ME2: variants seen among roughly 807,000 people sequenced by gnomAD.
The protein encoded by ME2 is NAD-dependent malic enzyme, mitochondrial.
A neutral mutation model predicts 73.7 loss-of-function variants in ME2; 60 were observed. That is an observed-to-expected ratio of 0.81 (90% CI 0.66 to 1.01). ME2 has a LOEUF of 1.01. Among genes scored for constraint, ME2 ranks in the 50% least tolerant of loss-of-function variants. ME2 has a pLI of 0.00. For missense variants in ME2, 594 were observed against 705.5 expected, an observed-to-expected ratio of 0.84 and a Z score of 1.79; for synonymous variants, 199 against 236.9, an observed-to-expected ratio of 0.84 and a Z score of 1.47.
At chr18:50,940,082 A>G (rs972258723) in intron 14 of ME2, 14 of 540,048 alleles carry the variant, frequency 2.6e-5, no homozygotes, top group Non-Finnish European at 4.2e-5. Context: ...AAAGCAGAAT[A>G]TAATCAATAA....
chr18:50,927,516 T>A (rs1917581084), intron 12 of ME2, among the ~76,000 whole-genome samples: 1 of 151,496 alleles, frequency 6.6e-6, no homozygotes, highest in African/African-American at 2.4e-5. Context: ...CTGGCTAACA[T>A]AGTGAAACCC....
chr18:50,946,252 C>A (rs1421287323), intron 15 of ME2, among the ~76,000 whole-genome samples: 1 of 152,154 alleles, frequency 6.6e-6, no homozygotes, highest in Non-Finnish European at 1.5e-5. Flanking sequence ...TTATTCTCAC[C>A]ACCAATCATG....
At chr18:50,918,586 T>C (rs961736641) in intron 7 of ME2, among the ~76,000 whole-genome samples, 2 of 152,214 alleles carry the variant, frequency 1.3e-5, no homozygotes, top group Non-Finnish European at 1.5e-5. Context: ...GTCCTCCCAC[T>C]TCTCTACCTC....
intron 11 of ME2, among the ~76,000 whole-genome samples, chr18:50,924,883 T>C (rs1036055388): frequency 4.0e-5 from 6 of 151,844 alleles, no homozygotes; most frequent in African/African-American, 1.5e-4. Flanking sequence ...GGTTTCACCA[T>C]GTTGACCAGG....
chr18:50,933,693 A>T (rs1486524913), intron 13 of ME2: 1 of 152,006 alleles, frequency 6.6e-6, no homozygotes, highest in Non-Finnish European at 1.5e-5. Flanking sequence ...CCAGGGGTAC[A>T]TATGAAGGTT....
intron 3 of ME2, among the ~76,000 whole-genome samples, chr18:50,909,917 A>T (rs976936655): frequency 6.6e-6 from 1 of 152,212 alleles, no homozygotes; most frequent in Admixed American, 6.5e-5. Flanking sequence ...AACAAAGAAC[A>T]GCTCATTCTC....
Position 50,952,392 on chromosome 18 carries a change from A to G in ME2, c.*5208A>G, listed in dbSNP as rs553362727. ...TTAGATAGATTAGTGATTAGATTTT[A>G]AAAACATTATTTTCCTTTCTTGAAT... On this transcript the variant is annotated 3_prime_UTR_variant, in exon 16 of 16. Transcript: ENST00000321341. The G allele has an allele frequency of 6.6e-6, 1 of 152,354 alleles. No homozygotes were observed. Among genetic ancestry groups the G allele is most frequent in the South Asian group, 2.1e-4 (1 of 4,832 alleles). The allele number at this position is 152,354 out of a possible 1,614,324, so 9.4% of individuals were successfully genotyped here. A position where few individuals can be genotyped will look rare whatever the true frequency, so the allele number is the denominator to read the frequency against.
At chr18:50,909,320 A>G (rs184969914) in intron 3 of ME2, among the ~76,000 whole-genome samples, 1 of 152,318 alleles carries the variant, frequency 6.6e-6, no homozygotes, top group East Asian at 1.9e-4. Context: ...TCTAAAAGTC[A>G]TCAACAGACA....
At chr18:50,912,765 G>C in intron 3 of ME2, 36 bp from the exon 4 acceptor site, 1 of 1,443,718 alleles carries the variant, frequency 6.9e-7, no homozygotes, top group African/African-American at 1.4e-5. Flanking sequence ...TGTAATGCAG[G>C]CTGACTTAGA....
rs899121925 is a variant in ME2, at chr18:50,951,575, T to G, written c.*4391T>G. On this transcript the variant is annotated 3_prime_UTR_variant, in exon 16 of 16. Transcript: ENST00000321341. Reference sequence around the variant, plus strand: ...TTTTTTTTTTTTTTTAACTTCTTCATACTCTTAAAAAGCTCCAGAATGGCC... The same window carrying G: ...TTTTTTTTTTTTTTTAACTTCTTCAGACTCTTAAAAAGCTCCAGAATGGCC... The G allele has an allele frequency of 2.0e-5, 3 of 147,614 alleles. No homozygotes were observed. Among genetic ancestry groups the G allele is most frequent in the Non-Finnish European group, 4.5e-5 (3 of 66,944 alleles). The allele number at this position is 147,614 out of a possible 1,614,324, so 9.1% of individuals were successfully genotyped here.
intron 12 of ME2, among the ~76,000 whole-genome samples, chr18:50,928,730 C>G (rs988404619): frequency 6.6e-6 from 1 of 152,170 alleles, no homozygotes; most frequent in African/African-American, 2.4e-5. Context: ...GATATCCACC[C>G]CTTTGGGTAT....
intron 14 of ME2, 30 bp downstream of exon 14, chr18:50,939,670 A>G (rs765720566): frequency 6.8e-7 from 1 of 1,464,610 alleles, no homozygotes; most frequent in Admixed American, 1.7e-5. Context: ...TTTATTTTAT[A>G]AAGGATGAAT....
At chr18:50,885,955 A>T (rs1326429052) in intron 1 of ME2, among the ~76,000 whole-genome samples, 1 of 152,208 alleles carries the variant, frequency 6.6e-6, no homozygotes, top group Non-Finnish European at 1.5e-5. Context: ...GAATTCTCTT[A>T]TATAGCAAAT....
chr18:50,944,350 C>T (rs1222553073), intron 15 of ME2, among the ~76,000 whole-genome samples: 1 of 152,300 alleles, frequency 6.6e-6, no homozygotes, highest in East Asian at 1.9e-4. Context: ...TCCCCAGAGG[C>T]AGGAGTAGAG....
intron 1 of ME2, among the ~76,000 whole-genome samples, chr18:50,890,039 G>A (rs1303664109): frequency 1.3e-5 from 2 of 151,950 alleles, no homozygotes; most frequent in East Asian, 3.9e-4. Flanking sequence ...TTTAGCTGAA[G>A]TGATTTCAAA....
At chr18:50,923,203 T>C (rs1294743827) in intron 10 of ME2, among the ~76,000 whole-genome samples, 1 of 152,338 alleles carries the variant, frequency 6.6e-6, no homozygotes, top group East Asian at 1.9e-4. Context: ...TGCAAGTCCA[T>C]GGTGTCTGTC....
chr18:50,895,495 T>C (rs1008738484), intron 1 of ME2, among the ~76,000 whole-genome samples: 1 of 152,200 alleles, frequency 6.6e-6, no homozygotes, highest in African/African-American at 2.4e-5. Flanking sequence ...CTATTTACTA[T>C]GTTACCTCTT....
rs1918138460 is a variant in ME2 at position 50,948,362 on chromosome 18, G to A, written c.*1178G>A. ...GCTTGCATATTGAAGAATTCTAAAG[G>A]AAAATATATCTGCCTACCATGCTTG... On this transcript the variant is annotated 3_prime_UTR_variant, in exon 16 of 16. Transcript: ENST00000321341. The A allele has an allele frequency of 6.6e-6, 1 of 152,002 alleles. No individual in the cohort carries two copies. Among genetic ancestry groups the A allele is most frequent in the Non-Finnish European group, 1.5e-5 (1 of 68,004 alleles). 9.4% of individuals were successfully genotyped at this position (152,002 alleles called of 1,614,324 possible).
intron 15 of ME2, among the ~76,000 whole-genome samples, chr18:50,942,536 T>C (rs1255048896): frequency 2.6e-5 from 4 of 152,194 alleles, no homozygotes; most frequent in Non-Finnish European, 4.4e-5. Context: ...GGTCTTTCAG[T>C]ATTGAGTATT....
Sources: allele counts gnomAD v4.1 joint callset (sites outside exome capture counted in the v4.1 genomes callset), GRCh38; gene constraint gnomAD v4.1.1; transcripts MANE v1.5; gene names NCBI Gene and HGNC (gene_info 2026-07-23, HGNC 2026-07-21).